RRBP1: variants seen among roughly 807,000 people sequenced by gnomAD.
The protein encoded by RRBP1 is ribosome binding protein 1.
Under a neutral mutation model 165.2 loss-of-function variants are expected in RRBP1, and 94 were observed. The observed-to-expected ratio is 0.57, with a 90% CI of 0.48 to 0.68. RRBP1 has a LOEUF of 0.68. RRBP1 is among the 30% of genes least tolerant of loss of function. RRBP1 has a pLI of 0.00. For missense variants in RRBP1, 1,676 were observed against 1,763.0 expected (o/e 0.95, Z 0.88); for synonymous variants, 680 against 714.5 (o/e 0.95, Z 0.77).
At chr20:17,679,290 T>C (rs1263226125) in intron 2 of RRBP1, among the ~76,000 whole-genome samples, 2 of 152,256 alleles carry the variant, frequency 1.3e-5, no homozygotes, top group Non-Finnish European at 2.9e-5. Flanking sequence ...CTGGGAATAG[T>C]TTAACAGGTA....
At chr20:17,657,218 A>G (rs2036660314) in intron 3 of RRBP1, among the ~76,000 whole-genome samples, 1 of 152,214 alleles carries the variant, frequency 6.6e-6, no homozygotes, top group South Asian at 2.1e-4. Context: ...CTGAGGCCAG[A>G]GCGTCTGGGT....
intron 16 of RRBP1, 110 bp from the exon 17 acceptor site, chr20:17,620,917 G>T: frequency 2.6e-6 from 2 of 758,782 alleles, no homozygotes; most frequent in Non-Finnish European, 4.3e-6. Context: ...TCCGCCTGCT[G>T]ACTTCATGAG....
At chr20:17,626,607 T>G (rs971073176) in intron 11 of RRBP1, among the ~76,000 whole-genome samples, 8 of 152,100 alleles carry the variant, frequency 5.3e-5, no homozygotes, top group Admixed American at 3.3e-4. Flanking sequence ...CAGGACACCC[T>G]CCATGCCTCC....
intron 3 of RRBP1, among the ~76,000 whole-genome samples, chr20:17,644,437 T>C (rs2036426836): frequency 1.3e-5 from 2 of 152,172 alleles, no homozygotes; most frequent in Admixed American, 1.3e-4. Context: ...AATAAAAACA[T>C]GCATGGCTCA....
intron 3 of RRBP1, among the ~76,000 whole-genome samples, chr20:17,653,207 T>G (rs917455862): frequency 1.3e-5 from 2 of 152,150 alleles, no homozygotes; most frequent in African/African-American, 4.8e-5. Context: ...GGCTCTCCCC[T>G]GTGTTCGTGT....
chr20:17,668,807 G>A (rs899783218), intron 2 of RRBP1, among the ~76,000 whole-genome samples: 6 of 152,116 alleles, frequency 3.9e-5, no homozygotes, highest in Non-Finnish European at 7.4e-5. Flanking sequence ...CGATAATACC[G>A]CACCCCTACC....
rs769158628 is a variant in RRBP1, at chr20:17,620,489, C to A, written c.3508-119G>T. The A allele has an allele frequency of 4.1e-6, 4 of 973,144 alleles. No individual in the cohort carries two copies. The African/African-American group carries it at 6.4e-5, about 16-fold the overall frequency. The allele number at this position is 973,144 out of a possible 1,614,324, so 60.3% of individuals were successfully genotyped here. ...TAGGAAGCCCCGGGGGTGCCCACTC[C>A]GCCCAGCTGGGACGGTCACCCTGGC... On this transcript the variant is annotated intron_variant, in intron 17 of 24. Coordinates refer to ENST00000377813, the MANE Select transcript of RRBP1 (RefSeq NM_001365613.2).
At chr20:17,629,256 G>A (rs1279885635) in intron 9 of RRBP1, among the ~76,000 whole-genome samples, 2 of 152,232 alleles carry the variant, frequency 1.3e-5, no homozygotes, top group African/African-American at 4.8e-5. Context: ...TGAGCCAAGG[G>A]CCACGGGCCT....
At chr20:17,637,903 A>T (rs746399414) in intron 5 of RRBP1, among the ~76,000 whole-genome samples, 1 of 152,084 alleles carries the variant, frequency 6.6e-6, no homozygotes, top group African/African-American at 2.4e-5. Flanking sequence ...GTCCCATTTA[A>T]TTTTCTCTGG....
Position 17,629,936 on chromosome 20 carries a change from G to A in RRBP1, c.2636C>T (p.Ala879Val). ...GACCTCGTCCAGGCGCTTCTGCAGGGCCTCCTCACTCTCCCTGTGGGACGC... is the reference window on the plus strand; with the variant it reads ...GACCTCGTCCAGGCGCTTCTGCAGGACCTCCTCACTCTCCCTGTGGGACGC... Reference protein sequence around the residue: ...LQASHRESEEALQKRLDEVSR... With the variant: ...LQASHRESEEVLQKRLDEVSR... The change falls in exon 9 of 25, where the codon GCC (alanine) becomes GTC (valine). Residue 879 changes from alanine to valine, a missense_variant. Physicochemically the swap from Ala to Val is moderately conservative, Grantham distance 64. Transcript: ENST00000377813. The A allele has an allele frequency of 6.3e-7, 1 of 1,599,094 alleles. No individual in the cohort carries two copies. The highest frequency in any genetic ancestry group is 8.5e-7 in the Non-Finnish European group (1 of 1,178,760).
intron 2 of RRBP1, among the ~76,000 whole-genome samples, chr20:17,671,194 T>C (rs372324515): frequency 3.8e-4 from 58 of 152,340 alleles, no homozygotes; most frequent in African/African-American, 1.0e-3. Context: ...CTCTTCCTCA[T>C]AGGTATTTTC....
At position 17,629,283 on chromosome 20, in the gene RRBP1, G is replaced by A. The variant is rs558817967; in HGVS notation, c.2749+540C>T. Reference sequence around the variant, plus strand: ...CACGGGCCTCTCACTGGCACCTTCAGCTCCCTTTCTCCAGGGGCTCTCGGC... The same window carrying A: ...CACGGGCCTCTCACTGGCACCTTCAACTCCCTTTCTCCAGGGGCTCTCGGC... On this transcript the variant is annotated intron_variant, in intron 9 of 24. Transcript: ENST00000377813. 2.1e-4 allele frequency among the ~76,000 whole-genome samples: 32 copies of A among 152,342 alleles called. 1 individual carries two copies. Among genetic ancestry groups the A allele is most frequent in the African/African-American group, 7.7e-4 (32 of 41,580 alleles).
Position 17,625,530 on chromosome 20 carries a change from C to T in RRBP1, c.3036G>A (p.Gln1012=). 1 of 1,613,804 alleles carries T rather than the reference C, an allele frequency of 6.2e-7. No homozygotes were observed. The highest frequency in any genetic ancestry group is 1.3e-5 in the African/African-American group (1 of 75,024). The change falls in exon 12 of 25, where the codon CAG becomes CAA. Residue 1012 remains glutamine, a synonymous_variant. Transcript: ENST00000377813. ...EAIELREAVE[Q]QKVKNNDLRE... The stretch of plus-strand genomic sequence containing the variant: ...CACTCACATTGTTCTTCACTTTCTG[C>T]TGCTCGACGGCCTCCCTGAGCTCGA...
intron 2 of RRBP1, among the ~76,000 whole-genome samples, chr20:17,662,272 A>T (rs944743349): frequency 2.2e-4 from 33 of 151,522 alleles, no homozygotes; most frequent in Admixed American, 9.2e-4. Context: ...CAAAAAAAAA[A>T]TTTTCAAAAA....
Position 17,618,604 on chromosome 20 carries a change from G to A in RRBP1, c.3751C>T (p.Leu1251Phe). The change falls in exon 20 of 25, where the codon CTT becomes TTT. Residue 1251 changes from leucine to phenylalanine, a missense_variant. By Grantham distance (22) the Leu-to-Phe change is conservative. Coordinates refer to ENST00000377813, the MANE Select transcript of RRBP1 (RefSeq NM_001365613.2). ...KSEAQKQSDELALVRQQLSEM... is the reference protein window; with the variant it reads ...KSEAQKQSDEFALVRQQLSEM... ...ACATGGAGGCCACCTACCAGGGCAA[G>A]CTCATCGCTCTGTTTCTGGGCTTCG... 6.2e-7 allele frequency: 1 copy of A among 1,613,848 alleles called. No individual in the cohort carries two copies. The highest frequency in any genetic ancestry group is 1.1e-5 in the South Asian group (1 of 91,088).
At chr20:17,654,830 G>A (rs970660523) in intron 3 of RRBP1, among the ~76,000 whole-genome samples, 2 of 152,216 alleles carry the variant, frequency 1.3e-5, no homozygotes, top group African/African-American at 4.8e-5. Context: ...CTGCGGTGCT[G>A]AGCTATGTCC....
At chr20:17,655,426 G>C (rs1161812511) in intron 3 of RRBP1, among the ~76,000 whole-genome samples, 1 of 152,208 alleles carries the variant, frequency 6.6e-6, no homozygotes, top group South Asian at 2.1e-4. Context: ...CTCATTTAAT[G>C]TCTCTGCCTT....
chr20:17,620,999 T>A (rs1453094684), intron 16 of RRBP1, among the ~76,000 whole-genome samples, 192 bp from the exon 17 acceptor site: 1 of 152,032 alleles, frequency 6.6e-6, no homozygotes, highest in Non-Finnish European at 1.5e-5. Flanking sequence ...TGGGCCAGTG[T>A]GGCTGCAGTG....
Position 17,643,810 on chromosome 20 carries a change from A to G in RRBP1, c.1913-683T>C, listed in dbSNP as rs2036413178. Among the ~76,000 whole-genome samples the G allele has an allele frequency of 1.3e-5, 2 of 152,162 alleles. No individual in the cohort carries two copies. Among genetic ancestry groups the G allele is most frequent in the South Asian group, 4.1e-4 (2 of 4,830 alleles). On this transcript the variant is annotated intron_variant, in intron 3 of 24. Coordinates refer to ENST00000377813, the MANE Select transcript of RRBP1 (RefSeq NM_001365613.2). This position sits in a 1 kb window ranked among gnomAD's most constrained non-coding sequence, Gnocchi z 4.3. ...ATGAGTGACTGCCTGGAGGACAGGGAGCCATCTGCCAACAAACGTCACTTC... is the reference window on the plus strand; with the variant it reads ...ATGAGTGACTGCCTGGAGGACAGGGGGCCATCTGCCAACAAACGTCACTTC...
Sources: allele counts gnomAD v4.1 joint callset (sites outside exome capture counted in the v4.1 genomes callset), GRCh38; gene constraint gnomAD v4.1.1; non-coding constraint Gnocchi (gnomAD v3.1); transcripts MANE v1.5; gene names NCBI Gene and HGNC (gene_info 2026-07-23, HGNC 2026-07-21).